The following FAM107A variants were observed in gnomAD, a reference collection of about 807,000 sequenced individuals.
FAM107A encodes the protein family with sequence similarity 107 member A, also known as actin-associated protein FAM107A.
A neutral mutation model predicts 13.7 loss-of-function variants in FAM107A; 19 were observed. That is an observed-to-expected ratio of 1.38 (90% CI 0.97 to 2.03). The LOEUF (loss-of-function observed/expected upper bound fraction) is 2.03, where lower values mean the gene tolerates loss of function less well. FAM107A is among the 30% of genes most tolerant of loss of function. The pLI is 0.00. For synonymous variants in FAM107A, 82 were observed against 74.5 expected (o/e 1.10, Z -0.52); for missense variants, 203 against 184.4 (o/e 1.10, Z -0.58).
chr3:58,626,219 G>A (rs1459769059), intron 1 of FAM107A, among the ~76,000 whole-genome samples: 1 of 152,118 alleles, frequency 6.6e-6, no homozygotes, highest in African/African-American at 2.4e-5. Context: ...GCCCCTAAGA[G>A]GCTGATCCAG....
At chr3:58,592,986 C>G (rs1214183567) in intron 1 of FAM107A, among the ~76,000 whole-genome samples, 1 of 152,150 alleles carries the variant, frequency 6.6e-6, no homozygotes, top group African/African-American at 2.4e-5. Context: ...TATAAAGACA[C>G]CCTAGCTGGA....
At chr3:58,625,615 C>T (rs1575461357) in intron 1 of FAM107A, among the ~76,000 whole-genome samples, 1 of 152,150 alleles carries the variant, frequency 6.6e-6, no homozygotes, top group East Asian at 1.9e-4. Context: ...ATTCATGACC[C>T]CTCCCACAGC....
rs144254653 is a variant in FAM107A at position 58,624,154 on chromosome 3, A to G, written c.-70+3262T>C. Among the ~76,000 whole-genome samples the G allele has an allele frequency of 3.1e-4, 47 of 152,338 alleles. No homozygotes were observed. The East Asian group carries it at 8.3e-3, about 27-fold the overall frequency. ...TGCAAGGGCTTAAAACGTGGCTCCC[A>G]TCCAGACATCTGGGTTGAACTCACC... On this transcript the variant is annotated intron_variant, in intron 1 of 3. Transcript: ENST00000465970.
chr3:58,587,482 T>A (rs956534260), upstream of FAM107A, among the ~76,000 whole-genome samples: 149 of 60,646 alleles, frequency 2.5e-3, 1 homozygote, highest in African/African-American at 0.011. Context: ...AGAGTGTGTG[T>A]GTGTGTGTGT....
chr3:58,588,799 A>T (rs1470161167), upstream of FAM107A, among the ~76,000 whole-genome samples: 2 of 152,070 alleles, frequency 1.3e-5, no homozygotes, highest in Non-Finnish European at 1.5e-5. Flanking sequence ...AGCTGGGATT[A>T]CAGGTGCACG....
chr3:58,618,855 T>C (rs2065927944), intron 1 of FAM107A, among the ~76,000 whole-genome samples: 1 of 152,104 alleles, frequency 6.6e-6, no homozygotes, highest in South Asian at 2.1e-4. Context: ...TTCTGGGGGA[T>C]TTTCTCTTTG....
upstream of FAM107A, among the ~76,000 whole-genome samples, chr3:58,588,584 A>G (rs1287078255): frequency 6.6e-6 from 1 of 152,242 alleles, no homozygotes; most frequent in Admixed American, 6.5e-5. Context: ...CAGGAGTGCC[A>G]GGCATGATGG....
At chr3:58,586,951 TACTGCAGAGCCAGC>T (rs1287194996) in exon 1 of FAM107A, 3 of 1,523,800 alleles carry the variant, frequency 2.0e-6, no homozygotes, top group Non-Finnish European at 2.6e-6. Flanking sequence ...CCGCGCCTCC[TACTGCAGAGCCAGC>T]ACTGCTGGCC....
At position 58,564,415 on chromosome 3, in the gene FAM107A, T is replaced by G. The variant is rs2063600273; in HGVS notation, c.*2173A>C. ...ACCTGATCACATAGCCATCCTAAGC[T>G]GCAAAGGAGACTGGAACAGTGAAAA... On this transcript the variant is annotated 3_prime_UTR_variant, in exon 4 of 4. Coordinates refer to ENST00000360997, the MANE Select transcript of FAM107A (RefSeq NM_001076778.3). The surrounding 1 kb of genome is among the most constrained non-coding windows in gnomAD (Gnocchi z 5.6). 6.6e-6 allele frequency: 1 copy of G among 152,250 alleles called. No homozygotes were observed. Among genetic ancestry groups the G allele is most frequent in the Non-Finnish European group, 1.5e-5 (1 of 68,044 alleles). The allele number at this position is 152,250 out of a possible 1,614,324, so 9.4% of individuals were successfully genotyped here. A position where few individuals can be genotyped will look rare whatever the true frequency, so the allele number is the denominator to read the frequency against.
chr3:58,589,506 C>T (rs2065638452), upstream of FAM107A, among the ~76,000 whole-genome samples: 1 of 151,944 alleles, frequency 6.6e-6, no homozygotes, highest in Admixed American at 6.6e-5. Context: ...AAAAAATAAA[C>T]TTTATTATTT....
chr3:58,601,836 G>A (rs564615464), intron 1 of FAM107A, among the ~76,000 whole-genome samples: 1 of 152,346 alleles, frequency 6.6e-6, no homozygotes, highest in South Asian at 2.1e-4. Context: ...TGTATTTGCT[G>A]GGTGGGTTTG....
In FAM107A at chr3:58,577,226, C is replaced by T. The variant is rs1053014663; in HGVS notation, c.-6+83G>A. 3 of 640,542 alleles carry T rather than the reference C, an allele frequency of 4.7e-6. No individual in the cohort carries two copies. Among genetic ancestry groups the T allele is most frequent in the African/African-American group, 2.0e-5 (1 of 50,480 alleles). The allele number at this position is 640,542 out of a possible 1,614,324, so 39.7% of individuals were successfully genotyped here. Reference sequence around the variant, plus strand: ...CCACTGACAGCCCACTTCAGTGTACCGGGTCTGCCCTCCTTCCCTTCCACC... The same window carrying T: ...CCACTGACAGCCCACTTCAGTGTACTGGGTCTGCCCTCCTTCCCTTCCACC... On this transcript the variant is annotated intron_variant, in intron 1 of 3. Coordinates refer to ENST00000360997, the MANE Select transcript of FAM107A (RefSeq NM_001076778.3). This position sits in a 1 kb window ranked among gnomAD's most constrained non-coding sequence, Gnocchi z 4.9.
At chr3:58,586,817 C>T (rs1200118684) in intron 1 of FAM107A, 1 of 1,512,402 alleles carries the variant, frequency 6.6e-7, no homozygotes. Flanking sequence ...GAGCCCTCCT[C>T]GCCCACTTCC....
At chr3:58,573,954 A>G (rs2063709351) in intron 1 of FAM107A, among the ~76,000 whole-genome samples, 1 of 152,192 alleles carries the variant, frequency 6.6e-6, no homozygotes, top group Admixed American at 6.5e-5. Flanking sequence ...ATCCTCCTCC[A>G]TGAACTTGTG....
intron 1 of FAM107A, among the ~76,000 whole-genome samples, chr3:58,596,845 AC>A (rs1420275895): frequency 6.6e-6 from 1 of 152,068 alleles, no homozygotes; most frequent in African/African-American, 2.4e-5. Context: ...GACTGACTGC[AC>A]CCCAGTCAAT....
upstream of FAM107A, chr3:58,589,384 G>T: frequency 3.1e-6 from 2 of 654,428 alleles, no homozygotes; most frequent in African/African-American, 3.6e-5. Context: ...ACTGGTCAGA[G>T]TCAAAGTCCT....
At chr3:58,620,075 G>A (rs2065938927) in intron 1 of FAM107A, among the ~76,000 whole-genome samples, 1 of 152,150 alleles carries the variant, frequency 6.6e-6, no homozygotes, top group African/African-American at 2.4e-5. Context: ...CCTCTCTCCT[G>A]CCCTCCCTTC....
Position 58,613,535 on chromosome 3 carries a change from G to A in FAM107A, c.-70+13881C>T, listed in dbSNP as rs748896643. The stretch of plus-strand genomic sequence containing the variant: ...CTGGCCTGACCAACTTGCTCTCAGT[G>A]CCCTGAGTGCCAGCAAGGCCTCTCT... On this transcript the variant is annotated intron_variant, in intron 1 of 3. Transcript: ENST00000465970. The surrounding 1 kb of genome is among the most constrained non-coding windows in gnomAD (Gnocchi z 4.6). Among the ~76,000 whole-genome samples the A allele has an allele frequency of 7.9e-5, 12 of 152,176 alleles. No individual in the cohort carries two copies. Among genetic ancestry groups the A allele is most frequent in the Non-Finnish European group, 1.3e-4 (9 of 68,030 alleles).
chr3:58,621,420 T>C (rs1020528051), intron 1 of FAM107A, among the ~76,000 whole-genome samples: 2 of 152,142 alleles, frequency 1.3e-5, no homozygotes, highest in Admixed American at 6.5e-5. Context: ...AGATTCTTAA[T>C]GATTTTTGAA....
Sources: gnomAD v4.1 joint callset for allele counts (sites outside exome capture counted in the v4.1 genomes callset) on GRCh38, gnomAD v4.1.1 for gene constraint, Gnocchi (gnomAD v3.1) non-coding constraint, MANE v1.5 for transcripts, NCBI Gene and HGNC (gene_info 2026-07-23, HGNC 2026-07-21) for gene names.